The following DCDC2B variants were observed in gnomAD, a reference collection of about 807,000 sequenced individuals.
DCDC2B encodes doublecortin domain containing 2B.
In DCDC2B, 41 loss-of-function variants were observed where a neutral mutation model predicts 38.9. That is an observed-to-expected ratio of 1.05 (90% CI 0.82 to 1.37). The LOEUF (loss-of-function observed/expected upper bound fraction) is 1.37. DCDC2B is among the 40% of genes most tolerant of loss of function. The probability of loss-of-function intolerance (pLI) is 0.00; values close to 1 mark genes in which losing one functional copy is unlikely to be tolerated. For missense variants in DCDC2B, 453 were observed against 427.2 expected (o/e 1.06, Z -0.53); for synonymous variants, 181 against 171.9 (o/e 1.05, Z -0.41).
intron 1 of DCDC2B, 74 bp from the exon 2 acceptor site, chr1:32,211,198 C>G (rs1643568646): frequency 7.1e-7 from 1 of 1,405,716 alleles, no homozygotes; most frequent in Non-Finnish European, 1.0e-6. Context: ...GCGCCCCAAC[C>G]CAACACTGAC....
rs1244323741 is a variant in DCDC2B, at chr1:32,209,180, T to C, written c.87T>C (p.Thr29=). 6.2e-7 allele frequency: 1 copy of C among 1,613,992 alleles called. No homozygotes were observed. The highest frequency in any genetic ancestry group is 8.5e-7 in the Non-Finnish European group (1 of 1,179,862). ...PFFPGSQLVV[T]QRRFPTMEAF... ...TCCCAGGCTCCCAGCTGGTGGTGAC[T>C]CAACGCCGCTTCCCCACCATGGAGG... The change falls in exon 1 of 9, where the codon ACT becomes ACC. Residue 29 remains threonine (T), a synonymous_variant. Coordinates refer to ENST00000409358, the MANE Select transcript of DCDC2B (RefSeq NM_001099434.2).
intron 4 of DCDC2B, 48 bp from the exon 5 acceptor site, chr1:32,212,442 G>A: frequency 6.2e-7 from 1 of 1,603,794 alleles, no homozygotes. Flanking sequence ...TGAATGTGAA[G>A]AAGCATCGAG....
chr1:32,214,312 CA>C (rs58837364), intron 6 of DCDC2B, among the ~76,000 whole-genome samples: 740 of 51,906 alleles, frequency 0.014, 3 homozygotes, highest in Middle Eastern at 0.037. Flanking sequence ...ACTCAAGTCT[CA>C]AAAAAAAAAA....
intron 7 of DCDC2B, 89 bp downstream of exon 7, chr1:32,215,021 G>C (rs1161628992): frequency 6.6e-7 from 1 of 1,521,850 alleles, no homozygotes; most frequent in Non-Finnish European, 8.9e-7. Context: ...ATGTCCATGG[G>C]AGCAGAATGC....
chr1:32,211,186 C>T, intron 1 of DCDC2B, 86 bp from the exon 2 acceptor site: 1 of 1,242,272 alleles, frequency 8.0e-7, no homozygotes, highest in Non-Finnish European at 1.2e-6. Context: ...ATCTGGTGAG[C>T]TGCGCCCCAA....
rs546697848 is a variant in DCDC2B at position 32,209,254 on chromosome 1, G to A, written c.161G>A (p.Arg54His). The A allele has an allele frequency of 1.7e-5, 27 of 1,613,962 alleles. No individual in the cohort carries two copies. Among genetic ancestry groups the A allele is most frequent in the East Asian group, 4.5e-5 (2 of 44,872 alleles). The change falls in exon 1 of 9, where the codon CGT becomes CAT. Residue 54 changes from arginine to histidine, a missense_variant. Arg to His is a conservative substitution (Grantham distance 29). Coordinates refer to ENST00000409358, the MANE Select transcript of DCDC2B (RefSeq NM_001099434.2). ...GCTGTGCAGGCCCCACTGGCTGTGC[G>A]TGCCCTCTACACACCTTGTCATGGC... ...TSAVQAPLAVRALYTPCHGHP... is the reference protein window; with the variant it reads ...TSAVQAPLAVHALYTPCHGHP...
At chr1:32,214,585 C>T (rs1014819262) in intron 6 of DCDC2B, 8 of 598,820 alleles carry the variant, frequency 1.3e-5, no homozygotes, top group African/African-American at 1.1e-4. Context: ...CACTGGGCAT[C>T]GAGGAGTGCC....
In DCDC2B at chr1:32,215,993, G is replaced by A. The variant is rs1427071749; in HGVS notation, c.*96G>A. 2.4e-5 allele frequency: 26 copies of A among 1,068,756 alleles called. No individual in the cohort carries two copies. Among genetic ancestry groups the A allele is most frequent in the East Asian group, 1.5e-4 (6 of 38,716 alleles). The allele number at this position is 1,068,756 out of a possible 1,614,324, so 66.2% of individuals were successfully genotyped here. A position where few individuals can be genotyped will look rare whatever the true frequency, so the allele number is the denominator to read the frequency against. ...TTGTTCCTCAGGAGCCAGCACCTCC[G>A]CTGGGCTCACAGGGTACACTGCGGC... On this transcript the variant is annotated 3_prime_UTR_variant, in exon 9 of 9. Transcript: ENST00000409358.
Position 32,212,331 on chromosome 1 carries a change from G to A in DCDC2B, c.527+130G>A, listed in dbSNP as rs1273381199. 3 of 1,531,278 alleles carry A rather than the reference G, an allele frequency of 2.0e-6. No homozygotes were observed. The East Asian group carries it at 6.8e-5, about 35-fold the overall frequency. 94.9% of individuals were successfully genotyped at this position (1,531,278 alleles called of 1,614,324 possible). ...ACATGGGACTTCCCCCTATGCCACT[G>A]GGAGAGGGCCCTCTGCCCAGCCCTC... On this transcript the variant is annotated intron_variant, in intron 4 of 8. Transcript: ENST00000409358.
chr1:32,214,356 G>A (rs1305948869), intron 6 of DCDC2B: 4 of 158,472 alleles, frequency 2.5e-5, no homozygotes, highest in African/African-American at 9.7e-5. Context: ...ATTTGTTCAG[G>A]GTGACAGAGT....
chr1:32,215,162 C>G, intron 7 of DCDC2B: 1 of 631,380 alleles, frequency 1.6e-6, no homozygotes, highest in African/African-American at 1.8e-5. Flanking sequence ...CCAGCTGCCC[C>G]CGTCTGTATA....
rs1370173142 is a variant in DCDC2B at position 32,215,842 on chromosome 1, ACCAGCCTGGGGCTGGGG to A, written c.997_1013del (p.Gln333CysfsTer32). The stretch of plus-strand genomic sequence containing the variant: ...GTGGAAGAGGCCTTGTCCCTGGAAA[ACCAGCCTGGGGCTGGGG>A]CTGCTATCTCAGCCTCAGCCCCAGC... On this transcript the variant is annotated frameshift_variant, in exon 9 of 9. Coordinates refer to ENST00000409358, the MANE Select transcript of DCDC2B (RefSeq NM_001099434.2). LOFTEE classifies it low-confidence loss of function (END_TRUNC). The A allele has an allele frequency of 1.9e-6, 3 of 1,553,032 alleles. No homozygotes were observed. Among genetic ancestry groups the A allele is most frequent in the Non-Finnish European group, 2.6e-6 (3 of 1,147,850 alleles).
rs1208543928 is a variant in DCDC2B at position 32,215,805 on chromosome 1, G to A, written c.958G>A (p.Ala320Thr). Residue 320 changes from alanine (A) to threonine (T), a missense_variant, in exon 9 of 9, where the codon GCA becomes ACA. Physicochemically the swap from Ala to Thr is moderately conservative, Grantham distance 58. Coordinates refer to ENST00000409358, the MANE Select transcript of DCDC2B (RefSeq NM_001099434.2). Reference sequence around the variant, plus strand: ...TATGGCCTTCCACCTCCTGCAGAGGGCAGCACAGATAGTGGAAGAGGCCTT... The same window carrying A: ...TATGGCCTTCCACCTCCTGCAGAGGACAGCACAGATAGTGGAAGAGGCCTT... ...TQTEEPLDQR[A>T]AQIVEEALSL... The A allele has an allele frequency of 8.4e-6, 13 of 1,551,834 alleles. No individual in the cohort carries two copies. The highest frequency in any genetic ancestry group is 1.1e-5 in the Non-Finnish European group (13 of 1,147,054).
At chr1:32,210,487 G>A (rs1217724513) in intron 1 of DCDC2B, among the ~76,000 whole-genome samples, 1 of 151,204 alleles carries the variant, frequency 6.6e-6, no homozygotes, top group Non-Finnish European at 1.5e-5. Context: ...GACAGAGTGA[G>A]ACTCTGTCTC....
chr1:32,210,922 T>C (rs1379334507), intron 1 of DCDC2B, among the ~76,000 whole-genome samples: 1 of 151,766 alleles, frequency 6.6e-6, no homozygotes, highest in Non-Finnish European at 1.5e-5. Flanking sequence ...CCCAGGCTGG[T>C]CTCAAACTCC....
chr1:32,211,355 T>G, intron 2 of DCDC2B, 32 bp downstream of exon 2: 1 of 1,611,858 alleles, frequency 6.2e-7, no homozygotes. Flanking sequence ...CCCCAGCCCC[T>G]CTGTCTTCCC....
rs541608920 is a variant in DCDC2B at position 32,209,169 on chromosome 1, C to T, written c.76C>T (p.Leu26=). Residue 26 remains leucine (L), a synonymous_variant, in exon 1 of 9, where the codon CTG becomes TTG. Coordinates refer to ENST00000409358, the MANE Select transcript of DCDC2B (RefSeq NM_001099434.2). The part of the protein sequence containing the change: ...NGDPFFPGSQ[L]VVTQRRFPTM... Reference sequence around the variant, plus strand: ...GGACCCATTCTTCCCAGGCTCCCAGCTGGTGGTGACTCAACGCCGCTTCCC... The same window carrying T: ...GGACCCATTCTTCCCAGGCTCCCAGTTGGTGGTGACTCAACGCCGCTTCCC... The T allele has an allele frequency of 1.4e-5, 22 of 1,614,024 alleles. No homozygotes were observed. The East Asian group carries it at 4.2e-4, about 31-fold the overall frequency.
In DCDC2B at chr1:32,216,029, C is replaced by T; in HGVS notation, c.*132C>T. 1.3e-6 allele frequency: 1 copy of T among 798,338 alleles called. No individual in the cohort carries two copies. 49.5% of individuals were successfully genotyped at this position (798,338 alleles called of 1,614,324 possible). A position where few individuals can be genotyped will look rare whatever the true frequency, so the allele number is the denominator to read the frequency against. On this transcript the variant is annotated 3_prime_UTR_variant, in exon 9 of 9. Coordinates refer to ENST00000409358, the MANE Select transcript of DCDC2B (RefSeq NM_001099434.2). ...AGGGTACACTGCGGCCTCCTCAGCCCTCCCCGTTCTCCTGCTCCTAAACCC... is the reference window on the plus strand; with the variant it reads ...AGGGTACACTGCGGCCTCCTCAGCCTTCCCCGTTCTCCTGCTCCTAAACCC...
At position 32,211,272 on chromosome 1, in the gene DCDC2B, C is replaced by CTAT. The variant is rs773967365; in HGVS notation, c.269_271dup (p.Tyr90dup). 69 of 1,613,694 alleles carry CTAT rather than the reference C, an allele frequency of 4.3e-5. No individual in the cohort carries two copies. Among genetic ancestry groups the CTAT allele is most frequent in the Non-Finnish European group, 5.8e-5 (68 of 1,179,804 alleles). On this transcript the variant is annotated inframe_insertion and splice_region_variant, in exon 2 of 9. Coordinates refer to ENST00000409358, the MANE Select transcript of DCDC2B (RefSeq NM_001099434.2). The stretch of plus-strand genomic sequence containing the variant: ...ACCTGTGATCTATCTGTCCTTTCAG[C>CTAT]TATTTACCCCATAGAGGGAAGGACC...
Sources: gnomAD v4.1 joint callset for allele counts (sites outside exome capture counted in the v4.1 genomes callset) on GRCh38, gnomAD v4.1.1 for gene constraint, MANE v1.5 for transcripts, NCBI Gene and HGNC (gene_info 2026-07-23, HGNC 2026-07-21) for gene names.